Variants in MIAT observed in about 807,000 individuals in gnomAD.
MIAT encodes the protein MI related novel mRNA.
chr22:26,652,332 ATC>A (rs1009469541), intron 2 of MIAT, among the ~76,000 whole-genome samples: 16 of 149,618 alleles, frequency 1.1e-4, no homozygotes, highest in African/African-American at 3.4e-4. Flanking sequence ...TGAATTTCCT[ATC>A]TCTCTCTCTC....
chr22:26,674,941 A>G (rs569568543), exon 5 of MIAT: 1 of 398,722 alleles, frequency 2.5e-6, no homozygotes, highest in South Asian at 1.3e-4. Context: ...GGTGAAGTAG[A>G]TAGTGATTCA....
intron 2 of MIAT, among the ~76,000 whole-genome samples, chr22:26,654,190 T>A (rs1930384582): frequency 6.6e-6 from 1 of 152,180 alleles, no homozygotes; most frequent in Non-Finnish European, 1.5e-5. Flanking sequence ...TCAGCCCTTA[T>A]CTCTGGTGTC....
chr22:26,669,616 G>A (rs534574380), exon 6 of MIAT: 6 of 398,556 alleles, frequency 1.5e-5, no homozygotes, highest in Middle Eastern at 6.2e-4. Context: ...ATGCATTTGG[G>A]GGAGGGGACA....
downstream of MIAT, chr22:26,671,669 A>G: frequency 2.5e-6 from 1 of 398,632 alleles, no homozygotes; most frequent in Non-Finnish European, 4.4e-6. Context: ...GAATGCAAAT[A>G]AGACTCACCA....
chr22:26,649,378 G>T (rs1029864261), intron 2 of MIAT, among the ~76,000 whole-genome samples: 1 of 152,236 alleles, frequency 6.6e-6, no homozygotes, highest in Non-Finnish European at 1.5e-5. Context: ...GTGGCAAAGA[G>T]CCTGGCAGTC....
At chr22:26,675,731 G>A (rs7293223) in exon 5 of MIAT, 70,512 of 398,570 alleles carry the variant, frequency 0.18, 7,052 homozygotes, top group South Asian at 0.28. Flanking sequence ...GTCATAGGCT[G>A]CAAGTCTATA....
chr22:26,648,616 C>T (rs558876961), intron 2 of MIAT, among the ~76,000 whole-genome samples: 1 of 148,566 alleles, frequency 6.7e-6, no homozygotes, highest in African/African-American at 2.5e-5. Context: ...GTAGAGGATA[C>T]ATTTTCAGGT....
At chr22:26,674,407 G>A, downstream of MIAT, 1 of 398,866 alleles carries the variant, frequency 2.5e-6, no homozygotes, top group Non-Finnish European at 4.4e-6. Context: ...CAGTCTGGTA[G>A]TCAGAGTCTG....
chr22:26,673,038 A>G, downstream of MIAT: 1 of 398,648 alleles, frequency 2.5e-6, no homozygotes, highest in Non-Finnish European at 4.4e-6. Context: ...GATCCGTCCC[A>G]TTCCCGGAAG....
chr22:26,657,315 C>T, intron 2 of MIAT: 1 of 394,058 alleles, frequency 2.5e-6, no homozygotes, highest in African/African-American at 2.1e-5. Context: ...CCTCCAAGAC[C>T]GGTTGCACCC....
chr22:26,670,905 C>T (rs1198958331), downstream of MIAT: 1 of 397,524 alleles, frequency 2.5e-6, no homozygotes, highest in Non-Finnish European at 4.4e-6. Context: ...AGGAAGCAGA[C>T]CGGGTGGGCG....
intron 4 of MIAT, chr22:26,667,049 T>A: frequency 5.2e-6 from 2 of 386,154 alleles, no homozygotes; most frequent in East Asian, 7.4e-5. Context: ...AGAACGCTCC[T>A]GCTCATGAGA....
intron 2 of MIAT, among the ~76,000 whole-genome samples, chr22:26,659,695 A>G (rs1420134502): frequency 6.6e-6 from 1 of 151,844 alleles, no homozygotes; most frequent in East Asian, 1.9e-4. Flanking sequence ...GTAAAAATAA[A>G]TGAGAATTTT....
intron 2 of MIAT, chr22:26,657,520 G>C (rs968992258): frequency 2.5e-6 from 1 of 398,582 alleles, no homozygotes; most frequent in African/African-American, 2.1e-5. Flanking sequence ...CGCGGGACCA[G>C]AGGGAGGGAG....
chr22:26,663,253 T>G lies in MIAT; in HGVS notation n.647-63T>G, dbSNP rs891742065. 1.0e-5 allele frequency: 4 copies of G among 398,370 alleles called. No individual in the cohort carries two copies. The Admixed American group carries it at 1.8e-4, about 18-fold the overall frequency. The allele number at this position is 398,370 out of a possible 1,614,324, so 24.7% of individuals were successfully genotyped here. A position where few individuals can be genotyped will look rare whatever the true frequency, so the allele number is the denominator to read the frequency against. On this transcript the variant is annotated intron_variant and non_coding_transcript_variant, in intron 2 of 5. Coordinates refer to ENST00000643270, the Ensembl canonical transcript of MIAT. ...TGAAACAGGACCTTAGCATCTATTC[T>G]CCACTGTACCCATGGGTATGTATTT...
At chr22:26,654,116 C>T (rs1930383340) in intron 2 of MIAT, among the ~76,000 whole-genome samples, 2 of 152,128 alleles carry the variant, frequency 1.3e-5, no homozygotes, top group Non-Finnish European at 2.9e-5. Flanking sequence ...TACTTTAGAA[C>T]AATAAATAGT....
chr22:26,653,510 T>C (rs1165361972), intron 2 of MIAT, among the ~76,000 whole-genome samples: 3 of 152,166 alleles, frequency 2.0e-5, no homozygotes, highest in Non-Finnish European at 4.4e-5. Context: ...CCTTTTCCCA[T>C]TCCTGTACGT....
At chr22:26,676,105 T>C (rs1931252921) in exon 5 of MIAT, 1 of 397,844 alleles carries the variant, frequency 2.5e-6, no homozygotes, top group African/African-American at 2.1e-5. Context: ...TCCGAACAGG[T>C]GTTATAATCC....
chr22:26,675,982 G>A (rs1048131001), exon 5 of MIAT: 5 of 398,544 alleles, frequency 1.3e-5, no homozygotes, highest in African/African-American at 2.1e-5. Flanking sequence ...AGGAGGCTGA[G>A]CCCAAGCAGG....
Sources: gnomAD v4.1 joint callset for allele counts (sites outside exome capture counted in the v4.1 genomes callset) on GRCh38, gnomAD v4.1.1 for gene constraint, MANE v1.5 for transcripts, NCBI Gene and HGNC (gene_info 2026-07-23, HGNC 2026-07-21) for gene names.